Variants in DIP2C observed in about 807,000 individuals in gnomAD.
DIP2C encodes the protein disco-interacting protein 2 homolog C.
DIP2C carries 33 observed loss-of-function variants against 192.4 expected under a neutral mutation model. The observed-to-expected ratio is 0.17, with a 90% CI of 0.13 to 0.23. The LOEUF (loss-of-function observed/expected upper bound fraction) is 0.23, where lower values mean the gene tolerates loss of function less well. Ranked by LOEUF, DIP2C falls within the 10% of genes least tolerant of loss-of-function variation. The pLI is 1.00. For synonymous variants in DIP2C, 979 were observed against 864.1 expected, an observed-to-expected ratio of 1.13 and a Z score of -2.33; for missense variants, 1,537 against 2,110.1, an observed-to-expected ratio of 0.73 and a Z score of 5.32.
chr10:327,809 A>G (rs1957342353), intron 30 of DIP2C, among the ~76,000 whole-genome samples: 1 of 152,210 alleles, frequency 6.6e-6, no homozygotes, highest in East Asian at 1.9e-4. Context: ...CTCATTCTCA[A>G]GCGTGTCTGT....
rs1181319949 is a variant in DIP2C, at chr10:307,553, G to A, written c.3986+2478C>T. ...ACTGTGAGTGGGTGGTGAGGGCATC[G>A]GAGAGCAAGACTGGGACGCCGCTGA... On this transcript the variant is annotated intron_variant, in intron 32 of 36. Coordinates refer to ENST00000280886, the MANE Select transcript of DIP2C (RefSeq NM_014974.3). 7.9e-5 allele frequency among the ~76,000 whole-genome samples: 12 copies of A among 152,304 alleles called. No individual in the cohort carries two copies. In the South Asian group the frequency reaches 1.7e-3, roughly 21 times the overall value.
At chr10:605,533 T>C (rs1852399542) in intron 1 of DIP2C, among the ~76,000 whole-genome samples, 1 of 152,200 alleles carries the variant, frequency 6.6e-6, no homozygotes, top group African/African-American at 2.4e-5. Context: ...GAGAAAGCTC[T>C]CAGCTTAAGC....
intron 32 of DIP2C, among the ~76,000 whole-genome samples, chr10:291,933 G>C (rs1955515385): frequency 6.6e-6 from 1 of 150,838 alleles, no homozygotes; most frequent in Non-Finnish European, 1.5e-5. Context: ...GGACTCCATG[G>C]GGGAGGGAGA....
At chr10:544,164 G>T (rs747710798) in intron 1 of DIP2C, among the ~76,000 whole-genome samples, 18 of 151,180 alleles carry the variant, frequency 1.2e-4, no homozygotes, top group Non-Finnish European at 2.4e-4. Flanking sequence ...GTGACCTTTG[G>T]TGCCGGCATC....
At chr10:308,593 G>C (rs1323240129) in intron 32 of DIP2C, among the ~76,000 whole-genome samples, 1 of 152,230 alleles carries the variant, frequency 6.6e-6, no homozygotes, top group African/African-American at 2.4e-5. Flanking sequence ...CCAGAAACAA[G>C]TTACCTAATC....
intron 4 of DIP2C, among the ~76,000 whole-genome samples, chr10:432,370 T>C (rs1022207154): frequency 2.6e-5 from 4 of 152,198 alleles, no homozygotes; most frequent in Non-Finnish European, 5.9e-5. Context: ...ATTTAACAGA[T>C]ACAGGCCTAT....
At chr10:549,810 G>C (rs1384359065) in intron 1 of DIP2C, among the ~76,000 whole-genome samples, 2 of 152,108 alleles carry the variant, frequency 1.3e-5, no homozygotes, top group Non-Finnish European at 2.9e-5. Flanking sequence ...AGTAACACTA[G>C]TCACTAATTC....
At chr10:566,418 C>A (rs916057188) in intron 1 of DIP2C, among the ~76,000 whole-genome samples, 1 of 152,222 alleles carries the variant, frequency 6.6e-6, no homozygotes, top group African/African-American at 2.4e-5. Flanking sequence ...GAGGCGCCAC[C>A]AAACCCTGGA....
chr10:494,442 C>T (rs923303912), intron 1 of DIP2C, among the ~76,000 whole-genome samples: 1 of 152,306 alleles, frequency 6.6e-6, no homozygotes, highest in East Asian at 1.9e-4. Flanking sequence ...CTCCCTCACC[C>T]AGAGTCTGAC....
At chr10:592,661 A>G (rs1851468533) in intron 1 of DIP2C, among the ~76,000 whole-genome samples, 1 of 152,204 alleles carries the variant, frequency 6.6e-6, no homozygotes, top group Non-Finnish European at 1.5e-5. Context: ...TCTAGAAAAA[A>G]GCAAAATAAT....
At chr10:662,035 C>A (rs1048095460) in intron 1 of DIP2C, 1 of 716,282 alleles carries the variant, frequency 1.4e-6, no homozygotes, top group Admixed American at 2.0e-5. Context: ...GGAGCCTGGC[C>A]TGTCCCCCGT....
At chr10:639,368 C>T (rs936327619) in intron 1 of DIP2C, among the ~76,000 whole-genome samples, 4 of 147,184 alleles carry the variant, frequency 2.7e-5, no homozygotes, top group Non-Finnish European at 6.0e-5. Context: ...GCCCGGCTCA[C>T]GGTCCACACA....
chr10:408,871 CT>C, intron 9 of DIP2C, 54 bp downstream of exon 9: 2 of 1,574,742 alleles, frequency 1.3e-6, no homozygotes, highest in South Asian at 1.1e-5. Flanking sequence ...CAGTGGGCAC[CT>C]TTTCCCACAG....
chr10:375,803 C>T (rs975050078), intron 17 of DIP2C, among the ~76,000 whole-genome samples: 1 of 152,224 alleles, frequency 6.6e-6, no homozygotes, highest in African/African-American at 2.4e-5. Context: ...AGCCACACTG[C>T]ACCTGCACAG....
At chr10:300,862 G>A (rs1956008227) in intron 32 of DIP2C, among the ~76,000 whole-genome samples, 1 of 152,152 alleles carries the variant, frequency 6.6e-6, no homozygotes, top group Admixed American at 6.5e-5. Context: ...AGCGTGTGGA[G>A]AAACCGGAAC....
Position 636,909 on chromosome 10 carries a change from G to C in DIP2C, c.85+52585C>G, listed in dbSNP as rs570043362. On this transcript the variant is annotated intron_variant, in intron 1 of 36. Coordinates refer to ENST00000280886, the MANE Select transcript of DIP2C (RefSeq NM_014974.3). This position sits in a 1 kb window ranked among gnomAD's most constrained non-coding sequence, Gnocchi z 4.6. The stretch of plus-strand genomic sequence containing the variant: ...GTGAGGCTGCTGGTTCACGAGGGGC[G>C]GGAGCTCCTAGTCCTGCTCCCCGAC... Among the ~76,000 whole-genome samples the C allele has an allele frequency of 6.6e-6, 1 of 152,206 alleles. No homozygotes were observed. The highest frequency in any genetic ancestry group is 1.5e-5 in the Non-Finnish European group (1 of 68,036).
At chr10:360,597 G>T (rs1959355933) in intron 22 of DIP2C, among the ~76,000 whole-genome samples, 1 of 152,192 alleles carries the variant, frequency 6.6e-6, no homozygotes, top group African/African-American at 2.4e-5. Flanking sequence ...GCCCTTCCCA[G>T]GTGCCAGGCT....
chr10:292,385 T>A (rs1280643916), intron 32 of DIP2C, among the ~76,000 whole-genome samples: 1 of 152,242 alleles, frequency 6.6e-6, no homozygotes, highest in Non-Finnish European at 1.5e-5. Context: ...CCAGTATAAA[T>A]CTTGGACTTG....
At chr10:641,060 C>A (rs1006924871) in intron 1 of DIP2C, among the ~76,000 whole-genome samples, 2 of 151,760 alleles carry the variant, frequency 1.3e-5, no homozygotes, top group African/African-American at 4.8e-5. Flanking sequence ...CACATTGAGA[C>A]TTTTTATTCT....
Sources: gnomAD v4.1 joint callset for allele counts (sites outside exome capture counted in the v4.1 genomes callset) on GRCh38, gnomAD v4.1.1 for gene constraint, Gnocchi (gnomAD v3.1) non-coding constraint, MANE v1.5 for transcripts, NCBI Gene and HGNC (gene_info 2026-07-23, HGNC 2026-07-21) for gene names.